Variants in MPP7 observed in about 807,000 individuals in gnomAD.
MPP7 encodes the protein MAGUK p55 subfamily member 7.
A neutral mutation model predicts 76.5 loss-of-function variants in MPP7; 60 were observed. That is an observed-to-expected ratio of 0.78 (90% CI 0.64 to 0.97). MPP7 has a LOEUF of 0.97. Ranked by LOEUF, MPP7 falls within the 50% of genes least tolerant of loss-of-function variation. The pLI, the probability that MPP7 is intolerant of heterozygous loss-of-function variation, is 0.00. For missense variants in MPP7, 641 were observed against 694.0 expected, an observed-to-expected ratio of 0.92 and a Z score of 0.86; for synonymous variants, 237 against 244.5, an observed-to-expected ratio of 0.97 and a Z score of 0.29.
At chr10:28,139,997 T>A (rs1022878) in intron 5 of MPP7, among the ~76,000 whole-genome samples, 1 of 151,936 alleles carries the variant, frequency 6.6e-6, no homozygotes, top group Admixed American at 6.6e-5. Context: ...ATATAAAAAA[T>A]GAAACCCAAA....
Position 28,331,856 on chromosome 10 carries a change from T to A in MPP7, c.-205-1854A>T, listed in dbSNP as rs116176831. Among the ~76,000 whole-genome samples the A allele has an allele frequency of 4.8e-3, 730 of 152,336 alleles. 7 individuals are homozygous for A. Among genetic ancestry groups the A allele is most frequent in the African/African-American group, 0.017 (694 of 41,584 alleles). On this transcript the variant is annotated intron_variant, in intron 1 of 11. Coordinates refer to the MPP7 transcript ENST00000441595. Reference sequence around the variant, plus strand: ...TCCCAAAGTGCGGGAATTACAAGCATGAACCATCTTGCCTGGCCTTAAAAG... The same window carrying A: ...TCCCAAAGTGCGGGAATTACAAGCAAGAACCATCTTGCCTGGCCTTAAAAG...
chr10:28,169,507 C>T lies in MPP7; in HGVS notation c.157-19448G>A, dbSNP rs1314065593. On this transcript the variant is annotated intron_variant, in intron 3 of 16. Transcript: ENST00000683449. Reference sequence around the variant, plus strand: ...TTCCAGCCTGGGCAACAAAGCAAGACCCCATCTCTTTAAAAAAAATAATTA... The same window carrying T: ...TTCCAGCCTGGGCAACAAAGCAAGATCCCATCTCTTTAAAAAAAATAATTA... Among the ~76,000 whole-genome samples, 6 of 115,710 alleles carry T rather than the reference C, an allele frequency of 5.2e-5. No individual in the cohort carries two copies. In the South Asian group the frequency reaches 1.2e-3, roughly 24 times the overall value. The allele number at this position is 115,710 out of a possible 152,430, so 75.9% of individuals were successfully genotyped here.
chr10:28,267,661 T>C (rs758709506), intron 1 of MPP7, among the ~76,000 whole-genome samples: 2 of 152,232 alleles, frequency 1.3e-5, no homozygotes, highest in Admixed American at 6.5e-5. Context: ...ACACTTCTGG[T>C]CCCAAGCATG....
At chr10:28,109,871 A>AAAAAAAAAAAAAG (rs1311549649) in intron 11 of MPP7, among the ~76,000 whole-genome samples, 1 of 148,242 alleles carries the variant, frequency 6.7e-6, no homozygotes, top group Non-Finnish European at 1.5e-5. Flanking sequence ...AAAAAAAAAA[A>AAAAAAAAAAAAAG]AACACTTAAA....
chr10:28,169,377 G>A (rs2133860440), intron 3 of MPP7, among the ~76,000 whole-genome samples: 1 of 152,062 alleles, frequency 6.6e-6, no homozygotes, highest in African/African-American at 2.4e-5. Flanking sequence ...TTAAAACAAA[G>A]GTTGATATGG....
intron 1 of MPP7, among the ~76,000 whole-genome samples, chr10:28,246,938 C>T (rs1456662134): frequency 6.6e-6 from 1 of 152,186 alleles, no homozygotes; most frequent in African/African-American, 2.4e-5. Context: ...AAGTCCCTGA[C>T]ATAGAGCACA....
At chr10:28,070,695 A>C (rs919799738) in intron 12 of MPP7, among the ~76,000 whole-genome samples, 2 of 152,188 alleles carry the variant, frequency 1.3e-5, no homozygotes, top group African/African-American at 4.8e-5. Flanking sequence ...TACTCAATCA[A>C]TGTATACACA....
At chr10:28,250,409 A>G (rs766780746) in intron 1 of MPP7, among the ~76,000 whole-genome samples, 5 of 152,152 alleles carry the variant, frequency 3.3e-5, no homozygotes, top group Non-Finnish European at 7.3e-5. Flanking sequence ...TAGGGGAAAA[A>G]AAGAACTTCC....
At chr10:28,130,544 G>T (rs891101729) in intron 6 of MPP7, among the ~76,000 whole-genome samples, 1 of 152,178 alleles carries the variant, frequency 6.6e-6, no homozygotes, top group African/African-American at 2.4e-5. Flanking sequence ...CCACTTGCTA[G>T]AATTTTATTT....
chr10:28,160,307 C>T (rs1836216675), intron 3 of MPP7, among the ~76,000 whole-genome samples: 2 of 152,180 alleles, frequency 1.3e-5, no homozygotes, highest in Non-Finnish European at 2.9e-5. Context: ...ATTAAAAAGA[C>T]TTGACAGTAA....
At chr10:28,291,892 T>C (rs74753445) in intron 1 of MPP7, among the ~76,000 whole-genome samples, 1,572 of 152,324 alleles carry the variant, frequency 0.01, 29 homozygotes, top group East Asian at 0.071. Context: ...TAGTGTAGCC[T>C]AGACATAGTG....
intron 2 of MPP7, among the ~76,000 whole-genome samples, chr10:28,315,288 G>A (rs1322658315): frequency 1.4e-5 from 2 of 146,556 alleles, no homozygotes; most frequent in East Asian, 4.1e-4. Flanking sequence ...GAGGGGGGAG[G>A]GAGAGAGGGA....
chr10:28,168,407 GT>G (rs1281910402), intron 3 of MPP7, among the ~76,000 whole-genome samples: 19 of 152,164 alleles, frequency 1.2e-4, no homozygotes, highest in African/African-American at 4.1e-4. Context: ...ATTACGGCTA[GT>G]TTTTTCACTT....
At chr10:28,061,711 C>T (rs1851794302) in intron 13 of MPP7, among the ~76,000 whole-genome samples, 1 of 151,998 alleles carries the variant, frequency 6.6e-6, no homozygotes, top group Admixed American at 6.6e-5. Context: ...ACAGGATACA[C>T]TCAGAAGGGA....
At chr10:28,117,810 C>A (rs1379570116) in intron 11 of MPP7, among the ~76,000 whole-genome samples, 1 of 151,954 alleles carries the variant, frequency 6.6e-6, no homozygotes, top group African/African-American at 2.4e-5. Context: ...AAGTCCATAT[C>A]TGTTATATGT....
At chr10:28,103,380 C>CG (rs761139283) in intron 11 of MPP7, among the ~76,000 whole-genome samples, 86 of 149,748 alleles carry the variant, frequency 5.7e-4, no homozygotes, top group Non-Finnish European at 1.0e-3. Flanking sequence ...CACATGCTGT[C>CG]GGGGCACCTG....
At chr10:28,212,026 T>C (rs544337233) in intron 2 of MPP7, among the ~76,000 whole-genome samples, 273 of 151,946 alleles carry the variant, frequency 1.8e-3, no homozygotes, top group Non-Finnish European at 2.8e-3. Context: ...GGCAGGAGGA[T>C]CATGTGAGCC....
In MPP7 at chr10:28,089,844, G is replaced by T; in HGVS notation, c.953-3C>A. On this transcript the variant is annotated splice_polypyrimidine_tract_variant and splice_region_variant and intron_variant, in intron 11 of 16. Transcript: ENST00000683449. ...ACGAAAACTTTTTCTAAAACCAGCTGCAAATATTAAAATAAATATATTTTT... is the reference window on the plus strand; with the variant it reads ...ACGAAAACTTTTTCTAAAACCAGCTTCAAATATTAAAATAAATATATTTTT... The T allele has an allele frequency of 7.2e-7, 1 of 1,390,310 alleles. No individual in the cohort carries two copies. Among genetic ancestry groups the T allele is most frequent in the Non-Finnish European group, 1.0e-6 (1 of 1,003,648 alleles). 86.1% of individuals were successfully genotyped at this position (1,390,310 alleles called of 1,614,324 possible).
Position 28,279,578 on chromosome 10 carries a change from G to A in MPP7, c.-132+23283C>T, listed in dbSNP as rs181121679. 1.5e-3 allele frequency among the ~76,000 whole-genome samples: 224 copies of A among 151,962 alleles called. 1 individual carries two copies. Among genetic ancestry groups the A allele is most frequent in the African/African-American group, 5.1e-3 (209 of 41,300 alleles). On this transcript the variant is annotated intron_variant, in intron 1 of 16. Coordinates refer to ENST00000683449, the MANE Select transcript of MPP7 (RefSeq NM_001318170.2). ...AAATTAGCTGGGCATGGTGGCACATGCCTATAATCCCAGCAACTCAGGAGG... is the reference window on the plus strand; with the variant it reads ...AAATTAGCTGGGCATGGTGGCACATACCTATAATCCCAGCAACTCAGGAGG...
Sources: gnomAD v4.1 joint callset for allele counts (sites outside exome capture counted in the v4.1 genomes callset) on GRCh38, gnomAD v4.1.1 for gene constraint, MANE v1.5 for transcripts, NCBI Gene and HGNC (gene_info 2026-07-23, HGNC 2026-07-21) for gene names.